Variants in SEMA6D observed in about 807,000 individuals in gnomAD.
SEMA6D encodes semaphorin-6D.
In SEMA6D, 35 loss-of-function variants were observed where a neutral mutation model predicts 106.6. The observed-to-expected ratio is 0.33, with a 90% CI of 0.25 to 0.44. The LOEUF (loss-of-function observed/expected upper bound fraction) is 0.44. Ranked by LOEUF, SEMA6D falls within the 20% of genes least tolerant of loss-of-function variation. The pLI is 1.00. For synonymous variants in SEMA6D, 499 were observed against 487.7 expected (o/e 1.02, Z -0.31); for missense variants, 1,185 against 1,345.9 (o/e 0.88, Z 1.87).
chr15:47,347,201 C>A (rs2038080776), intron 1 of SEMA6D, among the ~76,000 whole-genome samples: 1 of 152,158 alleles, frequency 6.6e-6, no homozygotes, highest in Admixed American at 6.5e-5. Flanking sequence ...AGCTACCACA[C>A]CAAAAGAGTT....
chr15:47,762,337 T>C lies in SEMA6D; in HGVS notation c.658+18T>C. The C allele has an allele frequency of 6.2e-7, 1 of 1,611,656 alleles. No individual in the cohort carries two copies. Among genetic ancestry groups the C allele is most frequent in the East Asian group, 2.2e-5 (1 of 44,818 alleles). ...GATAAAAGGTACCTTTGAAGAGCAG[T>C]GTCGTGGGGTCACCAGGATAGTGGA... On this transcript the variant is annotated intron_variant, in intron 8 of 18. Transcript: ENST00000536845.
chr15:47,722,678 G>T (rs1190342865), intron 1 of SEMA6D, among the ~76,000 whole-genome samples: 1 of 152,168 alleles, frequency 6.6e-6, no homozygotes, highest in Non-Finnish European at 1.5e-5. Flanking sequence ...GAGTTAGCAT[G>T]TAGTCTTTCT....
At chr15:47,743,203 C>T (rs1269181463) in intron 1 of SEMA6D, among the ~76,000 whole-genome samples, 1 of 152,206 alleles carries the variant, frequency 6.6e-6, no homozygotes, top group Non-Finnish European at 1.5e-5. Context: ...GTCACATCTG[C>T]AGCTGTAAGG....
At chr15:47,363,697 A>G (rs1237693364) in intron 1 of SEMA6D, among the ~76,000 whole-genome samples, 1 of 152,196 alleles carries the variant, frequency 6.6e-6, no homozygotes, top group East Asian at 1.9e-4. Context: ...ACAGTCAGGA[A>G]AGTGAAGGTC....
At chr15:47,558,152 C>G (rs998095871) in intron 3 of SEMA6D, among the ~76,000 whole-genome samples, 3 of 152,098 alleles carry the variant, frequency 2.0e-5, no homozygotes, top group Non-Finnish European at 4.4e-5. Flanking sequence ...TCTGTAATTT[C>G]TTTTACAGCA....
At chr15:47,472,472 A>T (rs1490494602) in intron 3 of SEMA6D, among the ~76,000 whole-genome samples, 1 of 152,182 alleles carries the variant, frequency 6.6e-6, no homozygotes, top group Non-Finnish European at 1.5e-5. Flanking sequence ...AGGGAATTCA[A>T]AATGACCCTA....
At chr15:47,279,345 G>A (rs369268208) in intron 1 of SEMA6D, among the ~76,000 whole-genome samples, 4,122 of 117,804 alleles carry the variant, frequency 0.035, 126 homozygotes, top group African/African-American at 0.11. Flanking sequence ...ATTGGTGTAT[G>A]AGAATGCTTG....
intron 4 of SEMA6D, among the ~76,000 whole-genome samples, chr15:47,660,626 T>C (rs2077899818): frequency 6.6e-6 from 1 of 152,152 alleles, no homozygotes; most frequent in African/African-American, 2.4e-5. Flanking sequence ...TACTTTCTGA[T>C]GGACAGTATT....
intron 1 of SEMA6D, among the ~76,000 whole-genome samples, chr15:47,406,332 G>A (rs1315617299): frequency 6.6e-6 from 1 of 152,120 alleles, no homozygotes; most frequent in Non-Finnish European, 1.5e-5. Flanking sequence ...TTCGACTGCT[G>A]GTAGCTGTTT....
chr15:47,265,581 A>G (rs2034278443), intron 1 of SEMA6D, among the ~76,000 whole-genome samples: 1 of 151,872 alleles, frequency 6.6e-6, no homozygotes, highest in South Asian at 2.1e-4. Context: ...GTTAAATCTA[A>G]CATCTGTTTA....
At chr15:47,293,753 C>T (rs990815168) in intron 1 of SEMA6D, among the ~76,000 whole-genome samples, 1 of 152,208 alleles carries the variant, frequency 6.6e-6, no homozygotes, top group African/African-American at 2.4e-5. Context: ...TGGTTTAATG[C>T]AGCACGTGTA....
chr15:47,703,453 T>C (rs1285871282), intron 4 of SEMA6D, among the ~76,000 whole-genome samples: 1 of 152,172 alleles, frequency 6.6e-6, no homozygotes, highest in African/African-American at 2.4e-5. Context: ...TGCCACAGTA[T>C]CAATAATAAC....
intron 4 of SEMA6D, among the ~76,000 whole-genome samples, chr15:47,653,048 C>T (rs74014039): frequency 0.015 from 2,231 of 152,304 alleles, 53 homozygotes; most frequent in African/African-American, 0.051. Context: ...TCCATGCGTA[C>T]TTATCACTCC....
intron 1 of SEMA6D, among the ~76,000 whole-genome samples, chr15:47,732,881 A>G (rs1384319287): frequency 6.6e-6 from 1 of 152,172 alleles, no homozygotes; most frequent in Non-Finnish European, 1.5e-5. Context: ...ATACTTCCAT[A>G]TTTGTTTCCT....
At chr15:47,617,995 A>G (rs186832841) in intron 4 of SEMA6D, among the ~76,000 whole-genome samples, 1 of 152,274 alleles carries the variant, frequency 6.6e-6, no homozygotes, top group Admixed American at 6.5e-5. Flanking sequence ...GTTGATTCTC[A>G]AGGTTAATGC....
At chr15:47,556,046 G>T (rs973247657) in intron 3 of SEMA6D, among the ~76,000 whole-genome samples, 3 of 152,018 alleles carry the variant, frequency 2.0e-5, no homozygotes, top group Admixed American at 2.0e-4. Flanking sequence ...GAGAATAAAG[G>T]CCTCATTAGA....
chr15:47,424,900 G>A (rs1268467242), intron 2 of SEMA6D, among the ~76,000 whole-genome samples: 1 of 152,124 alleles, frequency 6.6e-6, no homozygotes, highest in African/African-American at 2.4e-5. Flanking sequence ...CTTAATCTGG[G>A]AGAGGGAGGT....
chr15:47,737,421 C>A (rs1461958392), intron 1 of SEMA6D, among the ~76,000 whole-genome samples: 1 of 152,018 alleles, frequency 6.6e-6, no homozygotes, highest in East Asian at 1.9e-4. Flanking sequence ...AATGTTAAAA[C>A]AATTATAAAG....
At chr15:47,492,380 T>G (rs1223702019) in intron 3 of SEMA6D, among the ~76,000 whole-genome samples, 1 of 152,170 alleles carries the variant, frequency 6.6e-6, no homozygotes, top group Admixed American at 6.6e-5. Context: ...ATTAATACTT[T>G]AAAAGTTCTC....
Sources: gnomAD v4.1 joint callset for allele counts (sites outside exome capture counted in the v4.1 genomes callset) on GRCh38, gnomAD v4.1.1 for gene constraint, MANE v1.5 for transcripts, NCBI Gene and HGNC (gene_info 2026-07-23, HGNC 2026-07-21) for gene names.